RLN2: variants seen among roughly 807,000 people sequenced by gnomAD.
RLN2 encodes the protein relaxin 2.
In RLN2, 10 loss-of-function variants were observed where a neutral mutation model predicts 7.3. The observed-to-expected ratio is 1.36, with a 90% CI of 0.84 to 2.31. RLN2 has a LOEUF of 2.31. RLN2 is among the 30% of genes most tolerant of loss of function. The probability of loss-of-function intolerance (pLI) is 0.00; values close to 1 mark genes in which losing one functional copy is unlikely to be tolerated. For synonymous variants in RLN2, 103 were observed against 82.3 expected (o/e 1.25, Z -1.36); for missense variants, 298 against 217.6 (o/e 1.37, Z -2.32).
Position 5,300,240 on chromosome 9 carries a change from T to C in RLN2, c.416A>G (p.Glu139Gly), listed in dbSNP as rs1434880556. ...TTCTGAAGGACTGCTGTCTGCGGCT[T>C]CACTTTGTCTATTGCGAATAAGTTT... ...FKKLIRNRQS[E>G]AADSSPSELK... Residue 139 changes from glutamate (E) to glycine (G), a missense_variant, in exon 2 of 2, where the codon GAA (glutamate) becomes GGA (glycine). Coordinates refer to ENST00000381627, the MANE Select transcript of RLN2 (RefSeq NM_134441.3). The C allele has an allele frequency of 6.2e-7, 1 of 1,614,036 alleles. No individual in the cohort carries two copies. Among genetic ancestry groups the C allele is most frequent in the Admixed American group, 1.7e-5 (1 of 60,018 alleles).
chr9:5,306,757 T>C (rs1816258907), upstream of RLN2, among the ~76,000 whole-genome samples: 1 of 152,046 alleles, frequency 6.6e-6, no homozygotes. Context: ...ATATCCTAGA[T>C]CCAGTTCCAG....
chr9:5,305,455 A>G (rs1342066361), upstream of RLN2, among the ~76,000 whole-genome samples: 5 of 150,766 alleles, frequency 3.3e-5, no homozygotes, highest in South Asian at 2.1e-4. Flanking sequence ...AAATCCCACA[A>G]TCCCACAAAG....
the RLN2 span, among the ~76,000 whole-genome samples, chr9:5,334,276 TC>T: frequency 1.3e-5 from 2 of 152,062 alleles, no homozygotes; most frequent in African/African-American, 4.8e-5. Flanking sequence ...CCCAATTGAC[TC>T]AGCCCAAAAG....
the RLN2 span, among the ~76,000 whole-genome samples, chr9:5,334,647 A>C: frequency 6.6e-6 from 1 of 152,014 alleles, no homozygotes; most frequent in Non-Finnish European, 1.5e-5. Flanking sequence ...AAGTAACTTA[A>C]GTTTTATGGA....
chr9:5,319,792 G>A, the RLN2 span, among the ~76,000 whole-genome samples: 2 of 151,966 alleles, frequency 1.3e-5, no homozygotes, highest in South Asian at 2.1e-4. Flanking sequence ...AAATAACTTT[G>A]CAGAATTATG....
chr9:5,318,238 A>T, the RLN2 span, among the ~76,000 whole-genome samples: 1 of 151,914 alleles, frequency 6.6e-6, no homozygotes. Context: ...TGCCACTTTT[A>T]TTTTCTCCCT....
chr9:5,304,867 G>C (rs923909754), upstream of RLN2: 2 of 433,208 alleles, frequency 4.6e-6, no homozygotes, highest in African/African-American at 4.0e-5. Flanking sequence ...CCCTTTTACA[G>C]TTGTGTTCTT....
At chr9:5,312,144 G>T in the RLN2 span, among the ~76,000 whole-genome samples, 1 of 151,978 alleles carries the variant, frequency 6.6e-6, no homozygotes, top group Non-Finnish European at 1.5e-5. Context: ...AGTTTTGAGA[G>T]ACTTCCTCTT....
upstream of RLN2, among the ~76,000 whole-genome samples, chr9:5,306,439 A>G (rs1586935269): frequency 1.3e-5 from 2 of 152,040 alleles, 1 homozygote; most frequent in Middle Eastern, 6.8e-3. Context: ...ACTGTCCAGT[A>G]CAATGCCCGC....
At chr9:5,330,861 TA>T in the RLN2 span, among the ~76,000 whole-genome samples, 1 of 149,604 alleles carries the variant, frequency 6.7e-6, no homozygotes, top group East Asian at 2.0e-4. Context: ...CAACACTAAT[TA>T]AGAAGAAAAG....
upstream of RLN2, chr9:5,304,799 C>G: frequency 1.7e-6 from 1 of 583,380 alleles, no homozygotes. Flanking sequence ...AATTTTCCCC[C>G]TCAGCTCTTG....
At chr9:5,321,455 G>C in the RLN2 span, among the ~76,000 whole-genome samples, 1 of 151,942 alleles carries the variant, frequency 6.6e-6, no homozygotes, top group Non-Finnish European at 1.5e-5. Flanking sequence ...TTTACACTTT[G>C]TATTTCTTTA....
the RLN2 span, among the ~76,000 whole-genome samples, chr9:5,324,851 G>A: frequency 3.9e-5 from 6 of 151,924 alleles, no homozygotes; most frequent in African/African-American, 1.5e-4. Flanking sequence ...CATAAACAAA[G>A]GTGAAGACAC....
chr9:5,311,983 C>T, the RLN2 span, among the ~76,000 whole-genome samples: 29 of 151,980 alleles, frequency 1.9e-4, no homozygotes, highest in South Asian at 1.0e-3. Context: ...AAAAAGTGGG[C>T]GAAGGACATG....
chr9:5,306,771 T>C (rs1586935698), upstream of RLN2, among the ~76,000 whole-genome samples: 2 of 152,008 alleles, frequency 1.3e-5, no homozygotes, highest in East Asian at 3.9e-4. Context: ...GTTCCAGTTG[T>C]AGTTCATCTG....
At chr9:5,311,770 A>G in the RLN2 span, 1 of 780,992 alleles carries the variant, frequency 1.3e-6, no homozygotes, top group Admixed American at 2.2e-5. Flanking sequence ...AGTTTGAAAT[A>G]TGATTTTTTT....
the RLN2 span, among the ~76,000 whole-genome samples, chr9:5,330,186 T>G: frequency 2.0e-5 from 3 of 152,030 alleles, no homozygotes; most frequent in African/African-American, 7.2e-5. Flanking sequence ...AATGAAGGCA[T>G]AAATAAAGAA....
the RLN2 span, among the ~76,000 whole-genome samples, chr9:5,334,758 T>C: frequency 6.6e-6 from 1 of 152,018 alleles, no homozygotes; most frequent in Non-Finnish European, 1.5e-5. Context: ...AATACTTGAG[T>C]TTACTTCAAC....
chr9:5,335,234 G>A, the RLN2 span: 14 of 1,490,002 alleles, frequency 9.4e-6, no homozygotes, highest in South Asian at 2.6e-5. Flanking sequence ...GACAAGATGT[G>A]CACAATTAGC....
Sources: allele counts gnomAD v4.1 joint callset (sites outside exome capture counted in the v4.1 genomes callset), GRCh38; gene constraint gnomAD v4.1.1; transcripts MANE v1.5; gene names NCBI Gene and HGNC (gene_info 2026-07-23, HGNC 2026-07-21).